Variants in CD99 observed in about 807,000 individuals in gnomAD.
The protein encoded by CD99 is CD99 antigen.
Under a neutral mutation model 28.4 loss-of-function variants are expected in CD99, and 19 were observed. That is an observed-to-expected ratio of 0.67 (90% CI 0.47 to 0.98). The LOEUF (loss-of-function observed/expected upper bound fraction) is 0.98, where lower values mean the gene tolerates loss of function less well. Ranked by LOEUF, CD99 falls within the 50% of genes least tolerant of loss-of-function variation. The pLI, the probability that CD99 is intolerant of heterozygous loss-of-function variation, is 0.00. For synonymous variants in CD99, 103 were observed against 92.1 expected, an observed-to-expected ratio of 1.12 and a Z score of -0.67; for missense variants, 283 against 248.8, an observed-to-expected ratio of 1.14 and a Z score of -0.92.
At chrX:2,709,795 T>C (rs1404472794) in intron 1 of CD99, among the ~76,000 whole-genome samples, 1 of 152,142 alleles carries the variant, frequency 6.6e-6, no homozygotes, top group African/African-American at 2.4e-5. Context: ...ATCCAAAATG[T>C]GGCTTGGTTG....
intron 1 of CD99, among the ~76,000 whole-genome samples, chrX:2,710,101 C>T (rs762741055): frequency 6.6e-6 from 1 of 152,248 alleles, no homozygotes; most frequent in Admixed American, 6.5e-5. Flanking sequence ...AGTCCTCATG[C>T]TAGGATTGCG....
intron 1 of CD99, among the ~76,000 whole-genome samples, chrX:2,695,268 C>G (rs1378525764): frequency 2.0e-5 from 3 of 151,718 alleles, no homozygotes; most frequent in Admixed American, 2.0e-4. Context: ...TGAAGTGGCA[C>G]GATCTCAGCT....
intron 7 of CD99, among the ~76,000 whole-genome samples, chrX:2,725,311 T>A (rs2049216933): frequency 1.3e-5 from 2 of 152,064 alleles, no homozygotes; most frequent in South Asian, 4.2e-4. Flanking sequence ...AGTGGGAGGA[T>A]CTCATGAGCC....
At chrX:2,718,357 T>C (rs2048836600) in intron 3 of CD99, among the ~76,000 whole-genome samples, 1 of 151,528 alleles carries the variant, frequency 6.6e-6, no homozygotes, top group African/African-American at 2.4e-5. Context: ...CAGTGCTTGC[T>C]GTTCTTTCTT....
At chrX:2,733,281 G>T (rs971673351) in intron 8 of CD99, 451 of 1,458,624 alleles carry the variant, frequency 3.1e-4, no homozygotes, top group Non-Finnish European at 3.9e-4. Context: ...GAGCCCCAGC[G>T]CACAGCAAAA....
intron 7 of CD99, among the ~76,000 whole-genome samples, chrX:2,724,414 C>T (rs761999362): frequency 1.3e-5 from 2 of 151,242 alleles, no homozygotes; most frequent in East Asian, 2.0e-4. Flanking sequence ...TCGTGGAGGG[C>T]GGAGAAGATT....
intron 8 of CD99, among the ~76,000 whole-genome samples, chrX:2,731,663 C>T (rs189641577): frequency 3.0e-4 from 46 of 152,184 alleles, no homozygotes; most frequent in African/African-American, 1.0e-3. Flanking sequence ...GCTCATTTTC[C>T]GGGACTGTGT....
intron 1 of CD99, chrX:2,692,317 C>T (rs2047355012): frequency 4.4e-6 from 1 of 227,392 alleles, no homozygotes; most frequent in East Asian, 1.4e-4. Flanking sequence ...AGTAGACCGG[C>T]TTGCGGGCAG....
intron 1 of CD99, among the ~76,000 whole-genome samples, chrX:2,709,216 C>T (rs1173728490): frequency 4.6e-5 from 7 of 152,072 alleles, no homozygotes; most frequent in Non-Finnish European, 1.0e-4. Context: ...TGCATGCACA[C>T]TCATGCCATG....
At chrX:2,725,291 G>A (rs1288610425) in intron 7 of CD99, among the ~76,000 whole-genome samples, 7 of 151,952 alleles carry the variant, frequency 4.6e-5, no homozygotes, top group Non-Finnish European at 8.8e-5. Flanking sequence ...CCAGCTACTC[G>A]GAAGGCTGAA....
intron 9 of CD99, among the ~76,000 whole-genome samples, chrX:2,739,029 T>G (rs1204978704): frequency 1.3e-5 from 2 of 151,968 alleles, no homozygotes; most frequent in East Asian, 3.9e-4. Flanking sequence ...TTGTTGTTTT[T>G]TTTTTATTTT....
chrX:2,730,265 C>T (rs1364992966), intron 8 of CD99, among the ~76,000 whole-genome samples: 2 of 151,340 alleles, frequency 1.3e-5, no homozygotes, highest in South Asian at 2.1e-4. Context: ...CTCTGCCTCC[C>T]GGGTTCAAGC....
chrX:2,730,175 CTTT>C (rs58977521), intron 8 of CD99, among the ~76,000 whole-genome samples: 62 of 139,610 alleles, frequency 4.4e-4, no homozygotes, highest in African/African-American at 8.2e-4. Flanking sequence ...ATAAAAATAC[CTTT>C]TTTTTTTTTT....
chrX:2,693,178 C>T (rs2047414822), intron 1 of CD99, among the ~76,000 whole-genome samples: 1 of 151,258 alleles, frequency 6.6e-6, no homozygotes, highest in African/African-American at 2.4e-5. Flanking sequence ...GAGTTTCACT[C>T]TGTCACCAGT....
intron 1 of CD99, among the ~76,000 whole-genome samples, chrX:2,701,787 A>G (rs1477162682): frequency 6.6e-6 from 1 of 152,232 alleles, no homozygotes; most frequent in Non-Finnish European, 1.5e-5. Flanking sequence ...GTCTTTGGGT[A>G]ACAGCATGCA....
At chrX:2,717,251 G>C (rs1269458452) in intron 2 of CD99, 2 of 210,168 alleles carry the variant, frequency 9.5e-6, no homozygotes, top group Admixed American at 5.4e-5. Context: ...GGGAGGCTGA[G>C]GCAGGAGAAT....
chrX:2,720,238 C>T, intron 4 of CD99, 118 bp from the exon 5 acceptor site: 1 of 848,204 alleles, frequency 1.2e-6, no homozygotes, highest in East Asian at 2.4e-5. Context: ...CAGGTATCCC[C>T]ACCAGGACAA....
At chrX:2,691,758 C>G (rs1253218813) in intron 1 of CD99, 1 of 753,306 alleles carries the variant, frequency 1.3e-6, no homozygotes, top group Admixed American at 1.8e-5. Flanking sequence ...TTGCATGAGC[C>G]CCTCACCCCA....
At chrX:2,725,864 C>T (rs1603286980) in intron 7 of CD99, among the ~76,000 whole-genome samples, 1 of 152,172 alleles carries the variant, frequency 6.6e-6, no homozygotes, top group South Asian at 2.1e-4. Context: ...TCACCTGCCT[C>T]GGCCTCCCAA....
Sources: allele counts gnomAD v4.1 joint callset (sites outside exome capture counted in the v4.1 genomes callset), GRCh38; gene constraint gnomAD v4.1.1; transcripts MANE v1.5; gene names NCBI Gene and HGNC (gene_info 2026-07-23, HGNC 2026-07-21).